The following GLYR1 variants were observed in gnomAD, a reference collection of about 807,000 sequenced individuals.
GLYR1 encodes glyoxylate reductase 1 homolog, also known as cytokine-like nuclear factor N-PAC.
GLYR1 carries 21 observed loss-of-function variants against 72.7 expected under a neutral mutation model. The ratio of observed to expected loss-of-function variants is 0.29; its 90% CI spans 0.20 to 0.42. GLYR1 has a LOEUF of 0.42. Among genes scored for constraint, GLYR1 ranks in the 10% least tolerant of loss-of-function variants. GLYR1 has a pLI of 1.00. For synonymous variants in GLYR1, 392 were observed against 270.2 expected (o/e 1.45, Z -4.42); for missense variants, 594 against 712.1 (o/e 0.83, Z 1.89).
chr16:4,823,308 A>G (rs2084160573), intron 6 of GLYR1, among the ~76,000 whole-genome samples: 1 of 152,210 alleles, frequency 6.6e-6, no homozygotes, highest in Admixed American at 6.5e-5. Context: ...GTTTTGGCCT[A>G]CTTGTGTCTG....
At chr16:4,809,921 C>G (rs2083229484) in intron 15 of GLYR1, among the ~76,000 whole-genome samples, 1 of 151,132 alleles carries the variant, frequency 6.6e-6, no homozygotes, top group African/African-American at 2.4e-5. Context: ...AAAACTCTGT[C>G]TCCAAAAAAA....
At chr16:4,832,521 C>T (rs919501550) in intron 4 of GLYR1, 4 of 575,790 alleles carry the variant, frequency 6.9e-6, no homozygotes, top group African/African-American at 5.6e-5. Flanking sequence ...ATGGCCTGTG[C>T]TAGACTCAAA....
At chr16:4,834,358 TG>T (rs2084993533) in intron 3 of GLYR1, among the ~76,000 whole-genome samples, 1 of 143,694 alleles carries the variant, frequency 7.0e-6, no homozygotes, top group Non-Finnish European at 1.5e-5. Context: ...TGGAGTGCAA[TG>T]GGGCGATGTT....
Position 4,846,144 on chromosome 16 carries a change from G to T in GLYR1, c.75+30C>A, listed in dbSNP as rs769536382. 6 of 1,612,622 alleles carry T rather than the reference G, an allele frequency of 3.7e-6. No homozygotes were observed. In the South Asian group the frequency reaches 6.6e-5, roughly 18 times the overall value. On this transcript the variant is annotated intron_variant, in intron 2 of 15. Transcript: ENST00000321919. ...CTCCACCTCTTCAAACCCAACTTCAGATCTCTTCCTTTAGTAGCAAGACAC... is the reference window on the plus strand; with the variant it reads ...CTCCACCTCTTCAAACCCAACTTCATATCTCTTCCTTTAGTAGCAAGACAC...
In GLYR1 at chr16:4,805,133, G is replaced by T; in HGVS notation, c.*103C>A. 1 of 901,514 alleles carries T rather than the reference G, an allele frequency of 1.1e-6. No homozygotes were observed. The highest frequency in any genetic ancestry group is 1.8e-6 in the Non-Finnish European group (1 of 547,460). The allele number at this position is 901,514 out of a possible 1,614,324, so 55.8% of individuals were successfully genotyped here. On this transcript the variant is annotated 3_prime_UTR_variant, in exon 16 of 16. Transcript: ENST00000321919. ...CAAAGTCTGTATAAAAGGAAATGGA[G>T]ATAGGTGGGCTGGTCCAGAATGAAC... is the stretch of plus-strand genomic sequence containing the variant.
At chr16:4,827,729 T>A (rs1314148097) in intron 5 of GLYR1, among the ~76,000 whole-genome samples, 1 of 151,856 alleles carries the variant, frequency 6.6e-6, no homozygotes, top group Non-Finnish European at 1.5e-5. Flanking sequence ...TGAAACCCCG[T>A]CTCTACTAAA....
chr16:4,809,603 C>A (rs1207267004), intron 15 of GLYR1, among the ~76,000 whole-genome samples: 6 of 140,968 alleles, frequency 4.3e-5, no homozygotes, highest in African/African-American at 1.6e-4. Flanking sequence ...CAGAGCGAAA[C>A]TCCGTCTCAA....
intron 1 of GLYR1, among the ~76,000 whole-genome samples, chr16:4,846,472 T>G (rs2086078577): frequency 6.6e-6 from 1 of 152,254 alleles, no homozygotes; most frequent in South Asian, 2.1e-4. Flanking sequence ...AGCTTCTTAA[T>G]GACGGGGGTG....
chr16:4,837,249 T>C (rs1257316897), intron 3 of GLYR1, among the ~76,000 whole-genome samples: 1 of 151,886 alleles, frequency 6.6e-6, no homozygotes, highest in African/African-American at 2.4e-5. Context: ...CTGGCCAACA[T>C]GGCGAAACCC....
chr16:4,817,367 C>T (rs547679964), intron 10 of GLYR1, among the ~76,000 whole-genome samples: 2 of 152,242 alleles, frequency 1.3e-5, no homozygotes, highest in Admixed American at 1.3e-4. Flanking sequence ...GATCCGCCCG[C>T]CTCAGCCTCC....
intron 11 of GLYR1, 73 bp downstream of exon 11, chr16:4,814,464 G>T (rs1056431364): frequency 9.2e-7 from 1 of 1,087,158 alleles, no homozygotes; most frequent in Non-Finnish European, 1.4e-6. Flanking sequence ...GTGTGCAGGG[G>T]AGGAGGGGAA....
At chr16:4,813,684 C>G (rs1243140020) in intron 12 of GLYR1, 53 bp downstream of exon 12, 1 of 1,465,658 alleles carries the variant, frequency 6.8e-7, no homozygotes, top group Non-Finnish European at 9.4e-7. Flanking sequence ...AAGCCTGGGT[C>G]TTGGGCTCTG....
intron 15 of GLYR1, 36 bp from the exon 16 acceptor site, chr16:4,805,346 A>T (rs2141927947): frequency 6.3e-7 from 1 of 1,582,540 alleles, no homozygotes; most frequent in South Asian, 1.1e-5. Context: ...CTCTGGCCCC[A>T]GAGCTGCCTT....
At chr16:4,842,978 G>A (rs1279660149) in intron 3 of GLYR1, among the ~76,000 whole-genome samples, 2 of 152,154 alleles carry the variant, frequency 1.3e-5, no homozygotes, top group African/African-American at 4.8e-5. Flanking sequence ...GGGGTTACAG[G>A]CATGAGCCAC....
intron 3 of GLYR1, among the ~76,000 whole-genome samples, chr16:4,834,802 A>G (rs1050575752): frequency 1.3e-5 from 2 of 152,132 alleles, no homozygotes; most frequent in Non-Finnish European, 2.9e-5. Context: ...GAAATTCAAC[A>G]TGAGAGCGCC....
intron 4 of GLYR1, chr16:4,832,502 A>C (rs1036654514): frequency 1.2e-5 from 7 of 570,424 alleles, no homozygotes; most frequent in Non-Finnish European, 2.1e-5. Context: ...TGTGCTATGA[A>C]AGGAAGAAAT....
chr16:4,817,777 G>A (rs527484856), intron 9 of GLYR1, 80 bp from the exon 10 acceptor site: 4 of 893,126 alleles, frequency 4.5e-6, no homozygotes, highest in African/African-American at 3.3e-5. Context: ...CACAAGGCTC[G>A]CTCCCTTATA....
chr16:4,820,812 C>T lies in GLYR1; in HGVS notation c.806+568G>A, dbSNP rs927798751. 2.6e-5 allele frequency among the ~76,000 whole-genome samples: 4 copies of T among 152,192 alleles called. 1 individual carries two copies. In the South Asian group the frequency reaches 6.2e-4, roughly 24 times the overall value. ...GAGCAGGCACAGAGGCAAGGCTGGG[C>T]GCAAGTTGGGTCTGGGAGCATGTCC... On this transcript the variant is annotated intron_variant, in intron 9 of 15. Transcript: ENST00000321919.
In GLYR1 at chr16:4,819,575, T is replaced by C. The variant is rs186587223; in HGVS notation, c.806+1805A>G. On this transcript the variant is annotated intron_variant, in intron 9 of 15. Coordinates refer to ENST00000321919, the MANE Select transcript of GLYR1 (RefSeq NM_032569.4). ...ATCCTTCTGCTTTGGTCTCCCAAAGTGTGGGGATTACAAGGATGAGCTACT... is the reference window on the plus strand; with the variant it reads ...ATCCTTCTGCTTTGGTCTCCCAAAGCGTGGGGATTACAAGGATGAGCTACT... 2.8e-3 allele frequency among the ~76,000 whole-genome samples: 432 copies of C among 152,284 alleles called. 2 individuals carry two copies. The highest frequency in any genetic ancestry group is 5.0e-3 in the Non-Finnish European group (338 of 68,028).
Sources: allele counts gnomAD v4.1 joint callset (sites outside exome capture counted in the v4.1 genomes callset), GRCh38; gene constraint gnomAD v4.1.1; transcripts MANE v1.5; gene names NCBI Gene and HGNC (gene_info 2026-07-23, HGNC 2026-07-21).